Variants in MAPK14 observed in about 807,000 individuals in gnomAD.
The protein encoded by MAPK14 is CSAID-binding protein.
In MAPK14, 16 loss-of-function variants were observed where a neutral mutation model predicts 49.6. The observed-to-expected ratio is 0.32, with a 90% CI of 0.22 to 0.49. MAPK14 has a LOEUF of 0.49. Ranked by LOEUF, MAPK14 falls within the 20% of genes least tolerant of loss-of-function variation. The pLI, the probability that MAPK14 is intolerant of heterozygous loss-of-function variation, is 0.99. For missense variants in MAPK14, 200 were observed against 441.2 expected (o/e 0.45, Z 4.90); for synonymous variants, 142 against 158.0 (o/e 0.90, Z 0.76).
intron 8 of MAPK14, among the ~76,000 whole-genome samples, chr6:36,079,234 T>C (rs1764648558): frequency 6.6e-6 from 1 of 152,222 alleles, no homozygotes; most frequent in Admixed American, 6.5e-5. Context: ...ACCTGTCACA[T>C]AGGCCACAAT....
chr6:36,097,204 C>T (rs921979705), intron 9 of MAPK14: 1 of 152,216 alleles, frequency 6.6e-6, no homozygotes, highest in Non-Finnish European at 1.5e-5. Flanking sequence ...GAATTTGTTT[C>T]ATTTACTTAT....
chr6:36,063,697 T>G (rs1418341567), intron 3 of MAPK14, among the ~76,000 whole-genome samples: 2 of 152,174 alleles, frequency 1.3e-5, no homozygotes, highest in Non-Finnish European at 2.9e-5. Flanking sequence ...AAAGGAACAA[T>G]AGGTAGTGCA....
In MAPK14 at chr6:36,078,591, T is replaced by C. The variant is rs1363278626; in HGVS notation, c.682+1983T>C. On this transcript the variant is annotated intron_variant, in intron 8 of 11. Coordinates refer to ENST00000229794, the MANE Select transcript of MAPK14 (RefSeq NM_139012.3). Reference sequence around the variant, plus strand: ...CCTTTGTGCTTAGGTCTTTTTCTTCTGTGAGCTTTAGATAAACAACCTAGT... The same window carrying C: ...CCTTTGTGCTTAGGTCTTTTTCTTCCGTGAGCTTTAGATAAACAACCTAGT... Among the ~76,000 whole-genome samples the C allele has an allele frequency of 2.0e-5, 3 of 152,220 alleles. No homozygotes were observed. The East Asian group carries it at 5.8e-4, about 29-fold the overall frequency.
At chr6:36,117,586 AC>A in the MAPK14 span, among the ~76,000 whole-genome samples, 1 of 152,170 alleles carries the variant, frequency 6.6e-6, no homozygotes, top group African/African-American at 2.4e-5. Context: ...TGCTGTTTGT[AC>A]CACCTGCTCA....
chr6:36,075,225 C>CAAAAA (rs70975130), intron 6 of MAPK14, among the ~76,000 whole-genome samples: 8 of 62,930 alleles, frequency 1.3e-4, no homozygotes, highest in African/African-American at 5.0e-4. Flanking sequence ...GACTCCGTCT[C>CAAAAA]AAAAAAAAAA....
chr6:36,106,128 G>C (rs780475367), intron 10 of MAPK14, among the ~76,000 whole-genome samples: 4 of 152,202 alleles, frequency 2.6e-5, no homozygotes, highest in Admixed American at 1.3e-4. Flanking sequence ...TAGTGGGACA[G>C]ATGGCCTTAA....
the MAPK14 span, among the ~76,000 whole-genome samples, chr6:36,123,775 CAG>C: frequency 6.6e-6 from 1 of 152,274 alleles, no homozygotes; most frequent in South Asian, 2.1e-4. Context: ...CGAGATCAAA[CAG>C]AGCGGAGGCC....
In MAPK14 at chr6:36,110,478, G is replaced by T. The variant is rs1166980012; in HGVS notation, c.*2031G>T. ...TCGTGTGATTTCCTACAGAAATACT[G>T]CTCTGAATATTTTGTAATAAAGGTC... On this transcript the variant is annotated 3_prime_UTR_variant, in exon 12 of 12. Coordinates refer to ENST00000229794, the MANE Select transcript of MAPK14 (RefSeq NM_139012.3). 1 of 152,634 alleles carries T rather than the reference G, an allele frequency of 6.6e-6. No homozygotes were observed. The highest frequency in any genetic ancestry group is 6.5e-5 in the Admixed American group (1 of 15,284). The allele number at this position is 152,634 out of a possible 1,614,324, so 9.5% of individuals were successfully genotyped here.
intron 3 of MAPK14, among the ~76,000 whole-genome samples, chr6:36,064,355 A>G (rs1032098866): frequency 6.8e-6 from 1 of 146,108 alleles, no homozygotes; most frequent in African/African-American, 2.5e-5. Context: ...CCTGGGAACT[A>G]TTTCCTCAAA....
chr6:36,108,506 GA>G lies in MAPK14; in HGVS notation c.*61del, dbSNP rs1297044042. On this transcript the variant is annotated 3_prime_UTR_variant, in exon 12 of 12. Coordinates refer to ENST00000229794, the MANE Select transcript of MAPK14 (RefSeq NM_139012.3). ...CTGTGAGGGGAAGGCCTTTTCACGG[GA>G]ACTCTCCAAATATTATTCAAGTGCC... 1.7e-5 allele frequency: 23 copies of G among 1,338,750 alleles called. No homozygotes were observed. In the East Asian group the frequency reaches 5.3e-4, roughly 31 times the overall value. The allele number at this position is 1,338,750 out of a possible 1,614,324, so 82.9% of individuals were successfully genotyped here.
chr6:36,103,322 ATTATTTAT>A (rs10696038), intron 10 of MAPK14, among the ~76,000 whole-genome samples: 12 of 147,396 alleles, frequency 8.1e-5, no homozygotes, highest in East Asian at 2.0e-4. Context: ...CTTTATTATT[ATTATTTAT>A]TTATTTATTT....
At chr6:36,074,459 T>C (rs1348395845) in intron 6 of MAPK14, among the ~76,000 whole-genome samples, 1 of 152,118 alleles carries the variant, frequency 6.6e-6, no homozygotes, top group African/African-American at 2.4e-5. Context: ...AAATAAAAAA[T>C]AAGTGAATTA....
the MAPK14 span, among the ~76,000 whole-genome samples, chr6:36,117,926 T>G: frequency 6.6e-6 from 1 of 152,228 alleles, no homozygotes; most frequent in East Asian, 1.9e-4. Flanking sequence ...TTGCTTCCTG[T>G]TTTTACAATC....
At chr6:36,100,278 A>G in intron 9 of MAPK14, 2 of 1,603,414 alleles carry the variant, frequency 1.2e-6, no homozygotes, top group Non-Finnish European at 1.7e-6. Flanking sequence ...GTGAGAACAA[A>G]GAGACTGTAC....
chr6:36,053,389 C>T (rs903756866), intron 2 of MAPK14, among the ~76,000 whole-genome samples: 5 of 151,486 alleles, frequency 3.3e-5, no homozygotes, highest in Non-Finnish European at 7.4e-5. Context: ...ATAAATATGT[C>T]AGAGGCATTG....
In MAPK14 at chr6:36,074,029, T is replaced by G; in HGVS notation, c.448-20T>G. The G allele has an allele frequency of 6.3e-7, 1 of 1,592,780 alleles. No individual in the cohort carries two copies. ...ATGCATCATAAAGTTGATCCTGTCTTCCCTGTATTTGCTTCCTAGGACCTA... is the reference window on the plus strand; with the variant it reads ...ATGCATCATAAAGTTGATCCTGTCTGCCCTGTATTTGCTTCCTAGGACCTA... On this transcript the variant is annotated intron_variant, in intron 5 of 11. Coordinates refer to ENST00000229794, the MANE Select transcript of MAPK14 (RefSeq NM_139012.3).
intron 1 of MAPK14, among the ~76,000 whole-genome samples, chr6:36,036,495 C>T (rs987176501): frequency 1.3e-5 from 2 of 152,100 alleles, no homozygotes; most frequent in African/African-American, 4.8e-5. Context: ...AACACCATTG[C>T]AGGCTACAGA....
chr6:36,107,406 T>C lies in MAPK14; in HGVS notation c.842-49T>C. 7.2e-7 allele frequency: 1 copy of C among 1,384,882 alleles called. No homozygotes were observed. Among genetic ancestry groups the C allele is most frequent in the Non-Finnish European group, 9.7e-7 (1 of 1,030,748 alleles). 85.8% of individuals were successfully genotyped at this position (1,384,882 alleles called of 1,614,324 possible). On this transcript the variant is annotated intron_variant, in intron 10 of 11. Transcript: ENST00000229794. The surrounding 1 kb of genome is among the most constrained non-coding windows in gnomAD (Gnocchi z 4.3). Reference sequence around the variant, plus strand: ...ATGTTTGCTCAATAAGGCATACTTTTTTGTAACATGTTAAAAACTCTTTTC... The same window carrying C: ...ATGTTTGCTCAATAAGGCATACTTTCTTGTAACATGTTAAAAACTCTTTTC...
chr6:36,075,225 CAAA>C (rs70975130), intron 6 of MAPK14, among the ~76,000 whole-genome samples: 8 of 62,936 alleles, frequency 1.3e-4, no homozygotes, highest in East Asian at 5.6e-4. Flanking sequence ...GACTCCGTCT[CAAA>C]AAAAAAAAAA....
Sources: allele counts gnomAD v4.1 joint callset (sites outside exome capture counted in the v4.1 genomes callset), GRCh38; gene constraint gnomAD v4.1.1; non-coding constraint Gnocchi (gnomAD v3.1); transcripts MANE v1.5; gene names NCBI Gene and HGNC (gene_info 2026-07-23, HGNC 2026-07-21).